LY86: variants seen among roughly 807,000 people sequenced by gnomAD.
LY86 encodes MD-1, RP105-associated.
Under a neutral mutation model 17.3 loss-of-function variants are expected in LY86, and 20 were observed. The observed-to-expected ratio is 1.15, with a 90% CI of 0.81 to 1.68. The LOEUF (loss-of-function observed/expected upper bound fraction) is 1.68, where lower values mean the gene tolerates loss of function less well. Among genes scored for constraint, LY86 ranks in the 40% most tolerant of loss-of-function variants. The pLI, the probability that LY86 is intolerant of heterozygous loss-of-function variation, is 0.00. For missense variants in LY86, 200 were observed against 191.9 expected, an observed-to-expected ratio of 1.04 and a Z score of -0.25; for synonymous variants, 74 against 70.6, an observed-to-expected ratio of 1.05 and a Z score of -0.24.
At chr6:6,648,403 C>G (rs1762137953) in intron 3 of LY86, among the ~76,000 whole-genome samples, 1 of 152,242 alleles carries the variant, frequency 6.6e-6, no homozygotes, top group Non-Finnish European at 1.5e-5. Flanking sequence ...CTTCTCAACA[C>G]AGTTCCTCTT....
At chr6:6,589,964 A>T (rs1371403333) in intron 1 of LY86, among the ~76,000 whole-genome samples, 1 of 151,904 alleles carries the variant, frequency 6.6e-6, no homozygotes, top group Non-Finnish European at 1.5e-5. Context: ...TCTACTAAAA[A>T]TATAAAATTA....
intron 1 of LY86, among the ~76,000 whole-genome samples, chr6:6,601,704 AGT>A (rs1201093471): frequency 6.9e-6 from 1 of 144,296 alleles, no homozygotes; most frequent in Non-Finnish European, 1.6e-5. Flanking sequence ...TGGGAGACAG[AGT>A]GAGACACTGT....
intron 3 of LY86, among the ~76,000 whole-genome samples, chr6:6,635,266 T>A (rs1229218447): frequency 6.6e-6 from 1 of 152,222 alleles, no homozygotes; most frequent in African/African-American, 2.4e-5. Context: ...AAATTTTATA[T>A]TTACTATTTT....
intron 1 of LY86, among the ~76,000 whole-genome samples, chr6:6,600,817 G>A (rs17142362): frequency 0.1 from 15,216 of 151,944 alleles, 2,151 homozygotes; most frequent in African/African-American, 0.32. Flanking sequence ...CTGGATGTAG[G>A]ATATTTTCCT....
intron 1 of LY86, among the ~76,000 whole-genome samples, chr6:6,596,805 C>T (rs1208562550): frequency 2.0e-5 from 3 of 152,006 alleles, no homozygotes; most frequent in African/African-American, 4.8e-5. Flanking sequence ...TTGGTGGGAA[C>T]GTTTTACAGC....
rs971378581 is a variant in LY86 at position 6,647,348 on chromosome 6, C to A, written c.353-2277C>A. Among the ~76,000 whole-genome samples, 60 of 152,202 alleles carry A rather than the reference C, an allele frequency of 3.9e-4. 2 individuals carry two copies. The highest frequency in any genetic ancestry group is 1.4e-3 in the African/African-American group (60 of 41,454). Reference sequence around the variant, plus strand: ...ACAACAAATATGGTACAGTATCTCCCATCTCGAACAAAGAAACAAGCCATT... The same window carrying A: ...ACAACAAATATGGTACAGTATCTCCAATCTCGAACAAAGAAACAAGCCATT... On this transcript the variant is annotated intron_variant, in intron 3 of 4. Transcript: ENST00000230568.
chr6:6,606,778 C>G (rs561726737), intron 1 of LY86, among the ~76,000 whole-genome samples: 1 of 152,194 alleles, frequency 6.6e-6, no homozygotes, highest in Admixed American at 6.5e-5. Flanking sequence ...AAGCGCCGCG[C>G]GCAGCCCGGG....
Position 6,606,439 on chromosome 6 carries a change from G to A in LY86, c.136+17569G>A, listed in dbSNP as rs181773517. Among the ~76,000 whole-genome samples, 75 of 152,322 alleles carry A rather than the reference G, an allele frequency of 4.9e-4. 1 individual carries two copies. The Middle Eastern group carries it at 0.01, about 21-fold the overall frequency. ...TGGATCCTGCACCTGGGCGGCAGGT[G>A]GAGCTGCCTGCCAGTCCCACACCGC... On this transcript the variant is annotated intron_variant, in intron 1 of 4. Transcript: ENST00000230568.
intron 1 of LY86, among the ~76,000 whole-genome samples, chr6:6,606,525 C>T (rs1314085725): frequency 8.5e-5 from 13 of 152,116 alleles, no homozygotes; most frequent in African/African-American, 1.2e-4. Flanking sequence ...TAGCAGGGGG[C>T]GGCGCTCGTC....
At chr6:6,610,604 T>C (rs1005684035) in intron 1 of LY86, among the ~76,000 whole-genome samples, 1 of 152,170 alleles carries the variant, frequency 6.6e-6, no homozygotes, top group African/African-American at 2.4e-5. Flanking sequence ...ACATGGAAGC[T>C]TCTGTCCCTA....
At chr6:6,619,588 G>A (rs932105361) in intron 1 of LY86, among the ~76,000 whole-genome samples, 1 of 152,178 alleles carries the variant, frequency 6.6e-6, no homozygotes, top group Admixed American at 6.5e-5. Context: ...GGCCCTCTAC[G>A]CCCTTTCTCC....
chr6:6,632,638 C>T (rs1761912319), intron 3 of LY86, among the ~76,000 whole-genome samples: 1 of 152,190 alleles, frequency 6.6e-6, no homozygotes, highest in African/African-American at 2.4e-5. Context: ...CCAACCTGCT[C>T]AGGATCCCAG....
chr6:6,597,791 A>G (rs1760762139), intron 1 of LY86, among the ~76,000 whole-genome samples: 1 of 152,270 alleles, frequency 6.6e-6, no homozygotes. Flanking sequence ...GGAAGAAAAA[A>G]TCCCCAGCCC....
chr6:6,643,462 A>G (rs1446595177), intron 3 of LY86, among the ~76,000 whole-genome samples: 1 of 152,240 alleles, frequency 6.6e-6, no homozygotes, highest in Non-Finnish European at 1.5e-5. Context: ...AATAAAAGTC[A>G]AACTCATAGT....
chr6:6,603,603 C>CAAAAAAAA (rs1207511602), intron 1 of LY86, among the ~76,000 whole-genome samples: 37 of 70,340 alleles, frequency 5.3e-4, no homozygotes, highest in Non-Finnish European at 7.4e-4. Context: ...AAAACAGAAA[C>CAAAAAAAA]AGAAAAAAAA....
intron 1 of LY86, among the ~76,000 whole-genome samples, chr6:6,616,503 C>T (rs1435414375): frequency 6.6e-6 from 1 of 152,162 alleles, no homozygotes; most frequent in Non-Finnish European, 1.5e-5. Context: ...CACCCCATGC[C>T]CTGGCCACTC....
rs189419098 is a variant in LY86 at position 6,613,351 on chromosome 6, G to A, written c.137-11575G>A. Among the ~76,000 whole-genome samples the A allele has an allele frequency of 4.6e-5, 7 of 152,348 alleles. No homozygotes were observed. The East Asian group carries it at 9.7e-4, about 21-fold the overall frequency. ...GTGGCGCTGCTCGTCGGGGAGGCTTGGCCTGCTCATAAGCTCACAGCGGGG... is the reference window on the plus strand; with the variant it reads ...GTGGCGCTGCTCGTCGGGGAGGCTTAGCCTGCTCATAAGCTCACAGCGGGG... On this transcript the variant is annotated intron_variant, in intron 1 of 4. Transcript: ENST00000230568.
chr6:6,647,134 C>T (rs1762118052), intron 3 of LY86, among the ~76,000 whole-genome samples: 4 of 152,006 alleles, frequency 2.6e-5, no homozygotes, highest in South Asian at 2.1e-4. Flanking sequence ...CATCTACAAA[C>T]GTATCTACAC....
chr6:6,613,726 AG>A (rs1374328361), intron 1 of LY86, among the ~76,000 whole-genome samples: 2 of 152,362 alleles, frequency 1.3e-5, no homozygotes, highest in East Asian at 3.9e-4. Context: ...GGGCTCCTCA[AG>A]CGCGGCCAGA....
Sources: gnomAD v4.1 joint callset for allele counts (sites outside exome capture counted in the v4.1 genomes callset) on GRCh38, gnomAD v4.1.1 for gene constraint, MANE v1.5 for transcripts, NCBI Gene and HGNC (gene_info 2026-07-23, HGNC 2026-07-21) for gene names.